LRIG1: variants seen among roughly 807,000 people sequenced by gnomAD.
LRIG1 encodes leucine-rich repeats and immunoglobulin-like domains protein 1.
In LRIG1, 48 loss-of-function variants were observed where a neutral mutation model predicts 99.2. That is an observed-to-expected ratio of 0.48 (90% confidence interval 0.38 to 0.62). The LOEUF (loss-of-function observed/expected upper bound fraction) is 0.62, where lower values mean the gene tolerates loss of function less well. Among genes scored for constraint, LRIG1 ranks in the 20% least tolerant of loss-of-function variants. The pLI is 0.00. For synonymous variants in LRIG1, 772 were observed against 596.1 expected, an observed-to-expected ratio of 1.29 and a Z score of -4.30; for missense variants, 1,646 against 1,434.4, an observed-to-expected ratio of 1.15 and a Z score of -2.38.
chr3:66,458,320 C>T (rs922627272), intron 2 of LRIG1, among the ~76,000 whole-genome samples: 4 of 152,112 alleles, frequency 2.6e-5, no homozygotes, highest in African/African-American at 7.2e-5. Flanking sequence ...GTTGCTCACG[C>T]TGGTCTCAAA....
chr3:66,436,279 C>A (rs1027387812), intron 3 of LRIG1, among the ~76,000 whole-genome samples: 1 of 152,170 alleles, frequency 6.6e-6, no homozygotes, highest in Non-Finnish European at 1.5e-5. Context: ...CCCAAAGCAT[C>A]ATCCTTCGTA....
At chr3:66,383,948 T>TCACAAACACA in intron 14 of LRIG1, 43 bp downstream of exon 14, 1 of 1,520,814 alleles carries the variant, frequency 6.6e-7, no homozygotes. Context: ...TCTCTCTCGC[T>TCACAAACACA]CACACACACA....
intron 3 of LRIG1, among the ~76,000 whole-genome samples, chr3:66,443,175 T>G (rs938721489): frequency 1.3e-5 from 2 of 152,050 alleles, no homozygotes; most frequent in African/African-American, 2.4e-5. Flanking sequence ...TTTAATTTTC[T>G]ATTTTGAGGC....
intron 1 of LRIG1, among the ~76,000 whole-genome samples, chr3:66,467,351 C>G (rs971707978): frequency 5.5e-5 from 8 of 145,314 alleles, no homozygotes; most frequent in Non-Finnish European, 1.0e-4. Context: ...CTTGGCCACA[C>G]TAGCTATTTT....
chr3:66,445,243 G>A (rs189094688), intron 3 of LRIG1, among the ~76,000 whole-genome samples: 6 of 151,470 alleles, frequency 4.0e-5, no homozygotes, highest in South Asian at 2.1e-4. Context: ...TTACACTGAC[G>A]GTTTACTTTT....
intron 3 of LRIG1, among the ~76,000 whole-genome samples, chr3:66,427,690 G>C (rs1703028356): frequency 6.6e-6 from 1 of 152,176 alleles, no homozygotes; most frequent in Admixed American, 6.5e-5. Context: ...ATGGCCAAAT[G>C]CTGGCAGTTG....
chr3:66,417,159 C>A lies in LRIG1; in HGVS notation c.473G>T (p.Cys158Phe). ...CTTTATAGGCGGTCCGTGTGGAAAGCAGGTGTTCCGCACTTCCGTGATGTT... is the reference window on the plus strand; with the variant it reads ...CTTTATAGGCGGTCCGTGTGGAAAGAAGGTGTTCCGCACTTCCGTGATGTT... ...LNNITEVRNTCFPHGPPIKEL... is the reference protein window; with the variant it reads ...LNNITEVRNTFFPHGPPIKEL... Residue 158 changes from cysteine to phenylalanine, a missense_variant, in exon 4 of 19, where the codon TGC becomes TTC. Cys to Phe is a radical substitution (Grantham distance 205). Transcript: ENST00000273261. The A allele has an allele frequency of 6.2e-7, 1 of 1,614,198 alleles. No individual in the cohort carries two copies. Among genetic ancestry groups the A allele is most frequent in the African/African-American group, 1.3e-5 (1 of 75,058 alleles).
intron 3 of LRIG1, among the ~76,000 whole-genome samples, chr3:66,443,110 C>T (rs954549324): frequency 1.2e-4 from 18 of 152,102 alleles, no homozygotes; most frequent in Admixed American, 5.9e-4. Flanking sequence ...GTCTGCACTA[C>T]GGAATCCCTG....
At position 66,399,161 on chromosome 3, in the gene LRIG1, T is replaced by C. The variant is rs572226037; in HGVS notation, c.1161-120A>G. ...AAGGTAGTGCTACCTGATAAGTCTG[T>C]CCAGTGAGGGGCAGGTGGAAAGCTG... On this transcript the variant is annotated intron_variant, in intron 9 of 18. Transcript: ENST00000273261. The C allele has an allele frequency of 3.7e-5, 29 of 793,812 alleles. No homozygotes were observed. The African/African-American group carries it at 5.0e-4, about 14-fold the overall frequency. The allele number at this position is 793,812 out of a possible 1,614,324, so 49.2% of individuals were successfully genotyped here.
intron 12 of LRIG1, among the ~76,000 whole-genome samples, chr3:66,391,310 A>T (rs1701608413): frequency 6.6e-6 from 1 of 152,186 alleles, no homozygotes; most frequent in Non-Finnish European, 1.5e-5. Flanking sequence ...TTCCATTCCT[A>T]GGTTTGTACC....
chr3:66,413,072 C>T (rs1702520691), intron 5 of LRIG1, 58 bp from the exon 6 acceptor site: 3 of 1,591,664 alleles, frequency 1.9e-6, no homozygotes, highest in Admixed American at 1.7e-5. Context: ...CACCCACAAC[C>T]ATTCTGAAGC....
intron 3 of LRIG1, among the ~76,000 whole-genome samples, chr3:66,433,766 C>T (rs1249384757): frequency 2.6e-5 from 4 of 152,148 alleles, no homozygotes; most frequent in African/African-American, 9.7e-5. Context: ...CTCACCCACC[C>T]CAAAAATGAT....
chr3:66,449,107 T>C (rs1703816462), intron 3 of LRIG1, among the ~76,000 whole-genome samples: 1 of 152,232 alleles, frequency 6.6e-6, no homozygotes, highest in Non-Finnish European at 1.5e-5. Context: ...GGCTGTAAAA[T>C]GATGCTCATC....
At chr3:66,422,052 T>C (rs140897908) in intron 3 of LRIG1, among the ~76,000 whole-genome samples, 1 of 152,212 alleles carries the variant, frequency 6.6e-6, no homozygotes, top group Non-Finnish European at 1.5e-5. Flanking sequence ...CAGGACACCA[T>C]GTCTCTAGGC....
At position 66,492,456 on chromosome 3, in the gene LRIG1, C is replaced by T. The variant is rs115826954; in HGVS notation, c.218+7734G>A. On this transcript the variant is annotated intron_variant, in intron 1 of 18. Transcript: ENST00000273261. ...GCTAAAAAAAAGAAGAAAAACCCTGCATTACGTTCATCGTGTTTCTCAAAG... is the reference window on the plus strand; with the variant it reads ...GCTAAAAAAAAGAAGAAAAACCCTGTATTACGTTCATCGTGTTTCTCAAAG... Among the ~76,000 whole-genome samples, 244 of 152,236 alleles carry T rather than the reference C, an allele frequency of 1.6e-3. 4 individuals are homozygous for T. The highest frequency in any genetic ancestry group is 5.8e-3 in the African/African-American group (239 of 41,538).
intron 1 of LRIG1, 88 bp from the exon 2 acceptor site, chr3:66,462,597 C>G (rs1366546098): frequency 3.4e-6 from 3 of 876,822 alleles, no homozygotes; most frequent in African/African-American, 1.7e-5. Context: ...CTGGCTCCCC[C>G]ACCCTCAAAT....
At chr3:66,453,947 G>T (rs368805875) in intron 2 of LRIG1, among the ~76,000 whole-genome samples, 2 of 152,188 alleles carry the variant, frequency 1.3e-5, no homozygotes, top group Non-Finnish European at 2.9e-5. Flanking sequence ...CAAGGGAAGC[G>T]GGCATCATGA....
chr3:66,478,520 G>A (rs554183775), intron 1 of LRIG1, among the ~76,000 whole-genome samples: 1 of 152,344 alleles, frequency 6.6e-6, no homozygotes, highest in South Asian at 2.1e-4. Context: ...AAGGTAGGCT[G>A]TGCCTTCAGG....
intron 1 of LRIG1, among the ~76,000 whole-genome samples, chr3:66,484,822 C>A (rs1359477670): frequency 1.3e-5 from 2 of 151,978 alleles, no homozygotes; most frequent in East Asian, 3.9e-4. Flanking sequence ...GTCTGCATAA[C>A]AAAGTGAAAT....
Sources: allele counts gnomAD v4.1 joint callset (sites outside exome capture counted in the v4.1 genomes callset), GRCh38; gene constraint gnomAD v4.1.1; transcripts MANE v1.5; gene names NCBI Gene and HGNC (gene_info 2026-07-23, HGNC 2026-07-21).